Variants in SEMA5A observed in about 807,000 individuals in gnomAD.
The protein encoded by SEMA5A is semaphorin 5A.
A neutral mutation model predicts 135.5 loss-of-function variants in SEMA5A; 55 were observed. The ratio of observed to expected loss-of-function variants is 0.41; its 90% CI spans 0.33 to 0.51. SEMA5A has a LOEUF of 0.51. Ranked by LOEUF, SEMA5A falls within the 20% of genes least tolerant of loss-of-function variation. The probability of loss-of-function intolerance (pLI) is 0.37; values close to 1 mark genes in which losing one functional copy is unlikely to be tolerated. For missense variants in SEMA5A, 1,290 were observed against 1,419.9 expected (o/e 0.91, Z 1.47); for synonymous variants, 580 against 546.5 (o/e 1.06, Z -0.85).
intron 5 of SEMA5A, among the ~76,000 whole-genome samples, chr5:9,301,683 G>T (rs1320232726): frequency 1.3e-5 from 2 of 152,090 alleles, no homozygotes; most frequent in East Asian, 1.9e-4. Context: ...GTCATTAAAG[G>T]CCACTGATTA....
intron 16 of SEMA5A, among the ~76,000 whole-genome samples, chr5:9,095,825 G>A (rs72643787): frequency 0.11 from 17,365 of 152,212 alleles, 1,531 homozygotes; most frequent in East Asian, 0.32. Flanking sequence ...CAAACCAAAC[G>A]AGTATAATGC....
intron 13 of SEMA5A, among the ~76,000 whole-genome samples, chr5:9,126,469 C>T (rs998189505): frequency 6.6e-6 from 1 of 151,762 alleles, no homozygotes; most frequent in Non-Finnish European, 1.5e-5. Context: ...CTTAGCCTCA[C>T]TTCTCTATGA....
chr5:9,337,795 G>A lies in SEMA5A; in HGVS notation c.142C>T (p.Arg48Trp), dbSNP rs76019307. The change falls in exon 4 of 23, where the codon CGG becomes TGG. Residue 48 changes from arginine to tryptophan, a missense_variant. Physicochemically the swap from Arg to Trp is moderately radical, Grantham distance 101. This residue lies in a region of SEMA5A where 116 missense variants were observed against 121.3 expected (regional missense o/e 0.96). Transcript: ENST00000382496. ...ACAGCATTCTTCGCTCTGAACTCCC[G>A]TAACCAGGGGCCAATTTCTAAATAG... ...ISYKEIGPWL[R>W]EFRAKNAVDF... 2.1e-5 allele frequency: 34 copies of A among 1,604,064 alleles called. No individual in the cohort carries two copies. Among genetic ancestry groups the A allele is most frequent in the East Asian group, 9.0e-5 (4 of 44,546 alleles).
intron 5 of SEMA5A, among the ~76,000 whole-genome samples, chr5:9,294,190 A>G (rs13162749): frequency 0.044 from 6,644 of 152,236 alleles, 195 homozygotes; most frequent in Middle Eastern, 0.095. Flanking sequence ...CTTCCGGTAC[A>G]TCGTCACCTC....
chr5:9,252,265 A>G (rs1482283858), intron 5 of SEMA5A, among the ~76,000 whole-genome samples: 1 of 152,184 alleles, frequency 6.6e-6, no homozygotes, highest in Non-Finnish European at 1.5e-5. Context: ...CCCAGTTGTT[A>G]TGATTTCAGT....
chr5:9,199,601 C>T lies in SEMA5A; in HGVS notation c.933-2298G>A, dbSNP rs149758251. Among the ~76,000 whole-genome samples, 235 of 152,302 alleles carry T rather than the reference C, an allele frequency of 1.5e-3. 2 individuals carry two copies. The highest frequency in any genetic ancestry group is 5.3e-3 in the African/African-American group (222 of 41,566). ...CACTTGGACAACAGACCTGCAGCCA[C>T]CTGTTCCAATCTGGCTTCTATCAGC... is the stretch of plus-strand genomic sequence containing the variant. On this transcript the variant is annotated intron_variant, in intron 9 of 22. Coordinates refer to ENST00000382496, the MANE Select transcript of SEMA5A (RefSeq NM_003966.3).
intron 5 of SEMA5A, among the ~76,000 whole-genome samples, chr5:9,277,533 C>T (rs1750324673): frequency 6.6e-6 from 1 of 152,108 alleles, no homozygotes; most frequent in Non-Finnish European, 1.5e-5. Flanking sequence ...TATTGTGGCA[C>T]TGTTCACAAT....
intron 1 of SEMA5A, among the ~76,000 whole-genome samples, chr5:9,467,758 G>A (rs1177886602): frequency 6.6e-6 from 1 of 152,196 alleles, no homozygotes; most frequent in African/African-American, 2.4e-5. Flanking sequence ...GGTCTAGGCA[G>A]GCCTAAGCCC....
intron 3 of SEMA5A, among the ~76,000 whole-genome samples, chr5:9,353,354 G>GGGAAGGAAAGGAAAGGGAAGGA (rs1754288041): frequency 1.8e-5 from 1 of 54,364 alleles, no homozygotes; most frequent in Non-Finnish European, 3.6e-5. Flanking sequence ...AAAGGAAAGG[G>GGGAAGGAAAGGAAAGGGAAGGA]AAGGAAAGGA....
At chr5:9,432,322 C>T (rs539521354) in intron 2 of SEMA5A, among the ~76,000 whole-genome samples, 1 of 152,282 alleles carries the variant, frequency 6.6e-6, no homozygotes, top group East Asian at 1.9e-4. Flanking sequence ...TACAACCACT[C>T]AGCATGTTTA....
At chr5:9,529,316 C>T (rs544856170) in intron 1 of SEMA5A, among the ~76,000 whole-genome samples, 64 of 152,344 alleles carry the variant, frequency 4.2e-4, no homozygotes, top group African/African-American at 1.5e-3. Context: ...CCCCAGCTGC[C>T]AGGCTTCTCG....
At chr5:9,264,592 G>GT (rs1666728467) in intron 5 of SEMA5A, among the ~76,000 whole-genome samples, 2 of 152,086 alleles carry the variant, frequency 1.3e-5, no homozygotes, top group Non-Finnish European at 2.9e-5. Context: ...CAGCTTCGGG[G>GT]TTCCAGGTTG....
intron 5 of SEMA5A, among the ~76,000 whole-genome samples, chr5:9,282,100 C>T (rs1750573789): frequency 6.6e-6 from 1 of 152,078 alleles, no homozygotes; most frequent in African/African-American, 2.4e-5. Context: ...CGTGAGCCAC[C>T]GTGCCCAGCC....
intron 3 of SEMA5A, among the ~76,000 whole-genome samples, chr5:9,351,715 C>T (rs1918778): frequency 0.66 from 100,499 of 152,044 alleles, 34,158 homozygotes; most frequent in South Asian, 0.76. Flanking sequence ...TCATGAGTGT[C>T]CCCAGTTCAT....
intron 2 of SEMA5A, among the ~76,000 whole-genome samples, chr5:9,384,563 G>GATAT (rs1321886500): frequency 8.7e-6 from 1 of 115,338 alleles, no homozygotes; most frequent in East Asian, 2.5e-4. Flanking sequence ...TAGATAGATA[G>GATAT]ATAGATACAT....
At chr5:9,070,013 C>T (rs146493181) in intron 16 of SEMA5A, among the ~76,000 whole-genome samples, 1 of 152,266 alleles carries the variant, frequency 6.6e-6, no homozygotes, top group African/African-American at 2.4e-5. Flanking sequence ...CCCTTCCCTC[C>T]CTCACTCCGA....
intron 2 of SEMA5A, 103 bp from the exon 3 acceptor site, chr5:9,380,126 G>T: frequency 2.7e-6 from 2 of 728,062 alleles, no homozygotes; most frequent in Non-Finnish European, 4.3e-6. Context: ...ACACTTTGTG[G>T]AGATAGAGGA....
chr5:9,490,961 C>A (rs538336729), intron 1 of SEMA5A, among the ~76,000 whole-genome samples: 2 of 152,196 alleles, frequency 1.3e-5, no homozygotes, highest in African/African-American at 4.8e-5. Flanking sequence ...GGTACTGCAC[C>A]TATTGCTTTT....
At chr5:9,425,057 TC>T (rs1757596140) in intron 2 of SEMA5A, among the ~76,000 whole-genome samples, 1 of 152,190 alleles carries the variant, frequency 6.6e-6, no homozygotes. Flanking sequence ...AAGTTTCATG[TC>T]CCGGCTTACA....
Sources: gnomAD v4.1 joint callset for allele counts (sites outside exome capture counted in the v4.1 genomes callset) on GRCh38, gnomAD v4.1.1 for gene constraint, gnomAD v4.1.1 regional missense constraint, MANE v1.5 for transcripts, NCBI Gene and HGNC (gene_info 2026-07-23, HGNC 2026-07-21) for gene names.